SLC9B2: variants seen among roughly 807,000 people sequenced by gnomAD.
SLC9B2 encodes the protein solute carrier family 9 member B2.
A neutral mutation model predicts 52.2 loss-of-function variants in SLC9B2; 39 were observed. The ratio of observed to expected loss-of-function variants is 0.75; its 90% CI spans 0.58 to 0.98. The LOEUF (loss-of-function observed/expected upper bound fraction) is 0.98, where lower values mean the gene tolerates loss of function less well. Ranked by LOEUF, SLC9B2 falls within the 50% of genes least tolerant of loss-of-function variation. The pLI, the probability that SLC9B2 is intolerant of heterozygous loss-of-function variation, is 0.00. For synonymous variants in SLC9B2, 214 were observed against 227.0 expected, an observed-to-expected ratio of 0.94 and a Z score of 0.51; for missense variants, 626 against 637.5, an observed-to-expected ratio of 0.98 and a Z score of 0.19.
At chr4:103,070,938 G>T (rs549675450) in intron 1 of SLC9B2, among the ~76,000 whole-genome samples, 50 of 151,932 alleles carry the variant, frequency 3.3e-4, no homozygotes, top group Non-Finnish European at 6.3e-4. Context: ...GACAGAGCAA[G>T]ACTGTATAAA....
At chr4:103,056,519 A>G (rs1444908110) in intron 4 of SLC9B2, among the ~76,000 whole-genome samples, 4 of 152,354 alleles carry the variant, frequency 2.6e-5, no homozygotes, top group Admixed American at 1.3e-4. Context: ...AAGTGCTGGG[A>G]TTACAGGTGT....
At chr4:103,052,657 TAAG>T (rs550171343) in intron 4 of SLC9B2, among the ~76,000 whole-genome samples, 85 of 152,216 alleles carry the variant, frequency 5.6e-4, no homozygotes, top group Non-Finnish European at 1.1e-3. Flanking sequence ...TGGAATATCC[TAAG>T]AAGAACTCAA....
intron 6 of SLC9B2, among the ~76,000 whole-genome samples, 165 bp from the exon 7 acceptor site, chr4:103,047,391 T>A (rs1220878737): frequency 6.6e-6 from 1 of 152,160 alleles, no homozygotes; most frequent in African/African-American, 2.4e-5. Context: ...TTTTTTGTTT[T>A]TTTTTCTTTT....
intron 4 of SLC9B2, among the ~76,000 whole-genome samples, chr4:103,057,295 T>TATATATATGTATATATATATATACAC: frequency 6.8e-6 from 1 of 146,024 alleles, no homozygotes; most frequent in African/African-American, 2.6e-5. Flanking sequence ...CACACATATA[T>TATATATATGTATATATATATATACAC]ACACACACAC....
intron 9 of SLC9B2, among the ~76,000 whole-genome samples, chr4:103,038,436 T>C (rs573868198): frequency 6.6e-6 from 1 of 152,194 alleles, no homozygotes; most frequent in African/African-American, 2.4e-5. Flanking sequence ...TTGCAAAACA[T>C]AGAAAAACAT....
At chr4:103,050,422 A>C in intron 4 of SLC9B2, 40 bp from the exon 5 acceptor site, 2 of 1,510,266 alleles carry the variant, frequency 1.3e-6, no homozygotes, top group East Asian at 2.4e-5. Context: ...TAGTTTTCAA[A>C]TACAGAAAAT....
Position 103,057,821 on chromosome 4 carries a change from G to A in SLC9B2, c.422C>T (p.Pro141Leu), listed in dbSNP as rs1372118169. 1.2e-6 allele frequency: 2 copies of A among 1,613,758 alleles called. No individual in the cohort carries two copies. Among genetic ancestry groups the A allele is most frequent in the Non-Finnish European group, 1.7e-6 (2 of 1,179,936 alleles). ...LLGLIKLPTL[P>L]PLPSLLGMLL... ...CTTACCAAGAAGAGAAGGCAGTGGA[G>A]GCAATGTAGGTAACTTAATAAGCCC... The change falls in exon 4 of 12, where the codon CCT (proline) becomes CTT (leucine). Residue 141 changes from proline to leucine, a missense_variant. Pro to Leu is a moderately conservative substitution (Grantham distance 98). Transcript: ENST00000394785.
At chr4:103,074,667 TC>T (rs1435918866) in intron 1 of SLC9B2, among the ~76,000 whole-genome samples, 3 of 152,316 alleles carry the variant, frequency 2.0e-5, no homozygotes, top group Admixed American at 1.3e-4. Context: ...GTATTTCCCC[TC>T]CTCTACCCTG....
At chr4:103,057,761 T>C (rs201896236) in intron 4 of SLC9B2, 40 bp downstream of exon 4, 62 of 1,551,254 alleles carry the variant, frequency 4.0e-5, no homozygotes, top group African/African-American at 7.0e-5. Flanking sequence ...CTTAAAAATA[T>C]AGTTTACTCT....
chr4:103,065,521 T>G (rs1039001797), intron 3 of SLC9B2: 11 of 152,060 alleles, frequency 7.2e-5, no homozygotes, highest in Non-Finnish European at 1.0e-4. Flanking sequence ...AAAAATAAAA[T>G]AAATTTTAAG....
At chr4:103,075,646 T>C (rs1374816916) in intron 1 of SLC9B2, among the ~76,000 whole-genome samples, 1 of 152,190 alleles carries the variant, frequency 6.6e-6, no homozygotes, top group Non-Finnish European at 1.5e-5. Context: ...TCCTCACCCA[T>C]AAGAAACAAT....
At chr4:103,036,173 C>T (rs887412455) in intron 9 of SLC9B2, among the ~76,000 whole-genome samples, 1 of 152,116 alleles carries the variant, frequency 6.6e-6, no homozygotes, top group African/African-American at 2.4e-5. Context: ...TACATATATA[C>T]CATGGAATAC....
intron 5 of SLC9B2, among the ~76,000 whole-genome samples, 200 bp from the exon 6 acceptor site, chr4:103,049,220 T>C (rs1330783113): frequency 6.6e-6 from 1 of 152,176 alleles, no homozygotes; most frequent in Non-Finnish European, 1.5e-5. Context: ...CCTTATAAGA[T>C]AGGTAATACT....
At chr4:103,051,145 A>G (rs761646367) in intron 4 of SLC9B2, among the ~76,000 whole-genome samples, 1 of 152,180 alleles carries the variant, frequency 6.6e-6, no homozygotes, top group Non-Finnish European at 1.5e-5. Context: ...AGTTTCTGGA[A>G]AAGACAGTAG....
chr4:103,065,210 A>G (rs1578479646), intron 3 of SLC9B2, among the ~76,000 whole-genome samples: 1 of 152,000 alleles, frequency 6.6e-6, no homozygotes, highest in South Asian at 2.1e-4. Flanking sequence ...ACACACACAT[A>G]TAACTCAAGT....
intron 4 of SLC9B2, 94 bp downstream of exon 4, chr4:103,057,707 A>T (rs891903210): frequency 9.5e-6 from 13 of 1,374,182 alleles, no homozygotes; most frequent in Non-Finnish European, 1.3e-5. Flanking sequence ...GCAAATACAG[A>T]AATATTTTAT....
chr4:103,051,256 T>C (rs567876397), intron 4 of SLC9B2, among the ~76,000 whole-genome samples: 52 of 152,338 alleles, frequency 3.4e-4, no homozygotes, highest in African/African-American at 9.9e-4. Flanking sequence ...TCTGCCTTCA[T>C]TGATACCACA....
chr4:103,065,201 CACACACAT>C (rs1387410646), intron 3 of SLC9B2, among the ~76,000 whole-genome samples: 38 of 151,064 alleles, frequency 2.5e-4, no homozygotes, highest in African/African-American at 9.2e-4. Context: ...CACACACACA[CACACACAT>C]ATAACTCAAG....
At chr4:103,071,599 G>A (rs12108271) in intron 1 of SLC9B2, among the ~76,000 whole-genome samples, 5,001 of 151,764 alleles carry the variant, frequency 0.033, 134 homozygotes, top group Middle Eastern at 0.071. Flanking sequence ...GGATGGTCTC[G>A]ATCTCTTGAC....
Sources: gnomAD v4.1 joint callset for allele counts (sites outside exome capture counted in the v4.1 genomes callset) on GRCh38, gnomAD v4.1.1 for gene constraint, MANE v1.5 for transcripts, NCBI Gene and HGNC (gene_info 2026-07-23, HGNC 2026-07-21) for gene names.